Variants in TUBA1C observed in about 807,000 individuals in gnomAD.
The protein encoded by TUBA1C is tubulin alpha 1c.
Under a neutral mutation model 34.9 loss-of-function variants are expected in TUBA1C, and 16 were observed. That is an observed-to-expected ratio of 0.46 (90% CI 0.31 to 0.70). TUBA1C has a LOEUF of 0.70. Among genes scored for constraint, TUBA1C ranks in the 30% least tolerant of loss-of-function variants. TUBA1C has a pLI of 0.05. For missense variants in TUBA1C, 329 were observed against 587.3 expected (o/e 0.56, Z 4.55); for synonymous variants, 177 against 215.9 (o/e 0.82, Z 1.58).
At position 49,273,965 on chromosome 12, in the gene TUBA1C, T is replaced by C; in HGVS notation, c.*738T>C. 6.5e-6 allele frequency: 1 copy of C among 153,518 alleles called. No individual in the cohort carries two copies. Among genetic ancestry groups the C allele is most frequent in the South Asian group, 2.1e-4 (1 of 4,876 alleles). The allele number at this position is 153,518 out of a possible 1,614,324, so 9.5% of individuals were successfully genotyped here. A position where few individuals can be genotyped will look rare whatever the true frequency, so the allele number is the denominator to read the frequency against. On this transcript the variant is annotated 3_prime_UTR_variant, in exon 4 of 4. Transcript: ENST00000301072. Reference sequence around the variant, plus strand: ...TGCATGCTGTGATGGCACCTGCCTATAGGTGGGAGGACCACCTGAGCCCAA... The same window carrying C: ...TGCATGCTGTGATGGCACCTGCCTACAGGTGGGAGGACCACCTGAGCCCAA...
At chr12:49,229,920 T>C (rs1942478558) in intron 1 of TUBA1C, among the ~76,000 whole-genome samples, 1 of 152,140 alleles carries the variant, frequency 6.6e-6, no homozygotes, top group Non-Finnish European at 1.5e-5. Flanking sequence ...CCCTAGTAGC[T>C]GGGACTATAG....
At chr12:49,237,082 T>A (rs1942562965) in intron 1 of TUBA1C, among the ~76,000 whole-genome samples, 2 of 152,104 alleles carry the variant, frequency 1.3e-5, no homozygotes, top group African/African-American at 4.8e-5. Context: ...TATGGGTGCT[T>A]GAAGAAGATA....
chr12:49,243,646 C>T (rs535285616), intron 1 of TUBA1C, among the ~76,000 whole-genome samples: 13 of 152,178 alleles, frequency 8.5e-5, no homozygotes, highest in African/African-American at 3.1e-4. Flanking sequence ...GAGTCTTGCT[C>T]TATCGCCCAG....
chr12:49,268,027 T>G (rs1942938327), intron 1 of TUBA1C, among the ~76,000 whole-genome samples: 1 of 152,250 alleles, frequency 6.6e-6, no homozygotes, highest in South Asian at 2.1e-4. Context: ...CTAACCATAT[T>G]CTGCTTTGGC....
At chr12:49,263,057 T>C (rs934519022), upstream of TUBA1C, among the ~76,000 whole-genome samples, 1 of 140,890 alleles carries the variant, frequency 7.1e-6, no homozygotes, top group South Asian at 2.4e-4. Context: ...AGACAGAGTC[T>C]CTGTCACTCA....
chr12:49,232,756 G>C (rs1488535518), intron 1 of TUBA1C: 1 of 152,052 alleles, frequency 6.6e-6, no homozygotes, highest in Admixed American at 6.6e-5. Flanking sequence ...TTGTCGTTTT[G>C]GGGTTAAGTA....
intron 1 of TUBA1C, among the ~76,000 whole-genome samples, chr12:49,268,931 C>G (rs1942951723): frequency 1.3e-5 from 2 of 152,288 alleles, no homozygotes; most frequent in South Asian, 4.1e-4. Flanking sequence ...GGCTACAAAG[C>G]AACTGTCTGG....
chr12:49,229,562 G>C (rs1942473666), intron 1 of TUBA1C, among the ~76,000 whole-genome samples: 1 of 152,062 alleles, frequency 6.6e-6, no homozygotes, highest in Non-Finnish European at 1.5e-5. Context: ...AAAAGACAAA[G>C]GAAAAGTCTG....
intron 1 of TUBA1C, among the ~76,000 whole-genome samples, chr12:49,243,111 A>T (rs1217488594): frequency 1.3e-5 from 2 of 152,116 alleles, no homozygotes; most frequent in Admixed American, 1.3e-4. Flanking sequence ...CCCGGTCGTG[A>T]CTTCCAATTC....
At chr12:49,256,343 A>C (rs1393124171) in intron 1 of TUBA1C, 1 of 428,920 alleles carries the variant, frequency 2.3e-6, no homozygotes, top group Non-Finnish European at 4.7e-6. Flanking sequence ...CGTGAATTTA[A>C]AATTTGTTTC....
chr12:49,238,364 T>C (rs962068381), intron 1 of TUBA1C, among the ~76,000 whole-genome samples: 6 of 152,108 alleles, frequency 3.9e-5, no homozygotes, highest in African/African-American at 1.4e-4. Flanking sequence ...TGTGTGGGGA[T>C]TTTTCCCCAC....
intron 1 of TUBA1C, among the ~76,000 whole-genome samples, chr12:49,235,402 A>C (rs1478306827): frequency 6.6e-6 from 1 of 152,088 alleles, no homozygotes; most frequent in Non-Finnish European, 1.5e-5. Context: ...GTTGCAGGTC[A>C]GCGCCCCATT....
intron 1 of TUBA1C, among the ~76,000 whole-genome samples, chr12:49,268,545 C>T (rs115567922): frequency 0.015 from 2,266 of 152,118 alleles, 62 homozygotes; most frequent in African/African-American, 0.05. Flanking sequence ...CAACTAATTT[C>T]TTAACCTATC....
Position 49,234,637 on chromosome 12 carries a change from C to T in TUBA1C, c.213+6471C>T, listed in dbSNP as rs1942531273. Among the ~76,000 whole-genome samples, 3 of 152,272 alleles carry T rather than the reference C, an allele frequency of 2.0e-5. No individual in the cohort carries two copies. The South Asian group carries it at 6.2e-4, about 32-fold the overall frequency. On this transcript the variant is annotated intron_variant, in intron 1 of 3. Transcript: ENST00000541364. ...CGCTATCTCCAGGCCGCAGCCGCCG[C>T]CCCGCCCGCCACGAAGGCCACTTCC... is the stretch of plus-strand genomic sequence containing the variant.
At position 49,265,201 on chromosome 12, in the gene TUBA1C, C is replaced by A; in HGVS notation, c.3+17C>A. On this transcript the variant is annotated intron_variant, in intron 1 of 3. Coordinates refer to ENST00000301072, the MANE Select transcript of TUBA1C (RefSeq NM_032704.5). Reference sequence around the variant, plus strand: ...CTAGTCATGGTGAGTGGGGTTCCCTCGGGGCTGGGGAAGAGTGCGCGTCCC... The same window carrying A: ...CTAGTCATGGTGAGTGGGGTTCCCTAGGGGCTGGGGAAGAGTGCGCGTCCC... The A allele has an allele frequency of 6.3e-7, 1 of 1,595,314 alleles. No homozygotes were observed. The highest frequency in any genetic ancestry group is 8.6e-7 in the Non-Finnish European group (1 of 1,167,426).
chr12:49,239,913 G>A (rs1007039475), intron 1 of TUBA1C, among the ~76,000 whole-genome samples: 2 of 152,112 alleles, frequency 1.3e-5, no homozygotes, highest in Non-Finnish European at 2.9e-5. Flanking sequence ...AGGACGGGAG[G>A]TAGAGCAGTG....
chr12:49,231,003 G>A (rs999012581), intron 1 of TUBA1C, among the ~76,000 whole-genome samples: 1 of 152,196 alleles, frequency 6.6e-6, no homozygotes, highest in Non-Finnish European at 1.5e-5. Flanking sequence ...CTGGTATACA[G>A]GAAGGTCAGC....
At chr12:49,239,226 C>T (rs1463732061) in intron 1 of TUBA1C, among the ~76,000 whole-genome samples, 2 of 152,108 alleles carry the variant, frequency 1.3e-5, no homozygotes, top group Non-Finnish European at 2.9e-5. Context: ...GGACAAAAGG[C>T]CTTTAACAAA....
chr12:49,241,980 C>CTTCT (rs1227095039), intron 1 of TUBA1C, among the ~76,000 whole-genome samples: 2 of 149,406 alleles, frequency 1.3e-5, no homozygotes, highest in Non-Finnish European at 3.0e-5. Context: ...AACTTAGAGC[C>CTTCT]TTCTTTCTTT....
Sources: gnomAD v4.1 joint callset for allele counts (sites outside exome capture counted in the v4.1 genomes callset) on GRCh38, gnomAD v4.1.1 for gene constraint, MANE v1.5 for transcripts, NCBI Gene and HGNC (gene_info 2026-07-23, HGNC 2026-07-21) for gene names.